The following SGTA variants were observed in gnomAD, a reference collection of about 807,000 sequenced individuals.
The protein encoded by SGTA is small glutamine-rich tetratricopeptide repeat-containing protein alpha.
SGTA carries 22 observed loss-of-function variants against 44.3 expected under a neutral mutation model. The observed-to-expected ratio is 0.50, with a 90% CI of 0.36 to 0.71. The LOEUF (loss-of-function observed/expected upper bound fraction) is 0.71. SGTA is among the 30% of genes least tolerant of loss of function. SGTA has a pLI of 0.00. For synonymous variants in SGTA, 174 were observed against 177.6 expected, an observed-to-expected ratio of 0.98 and a Z score of 0.16; for missense variants, 341 against 435.9, an observed-to-expected ratio of 0.78 and a Z score of 1.94.
At chr19:2,778,577 G>A (rs1915498779) in intron 1 of SGTA, among the ~76,000 whole-genome samples, 1 of 150,820 alleles carries the variant, frequency 6.6e-6, no homozygotes, top group East Asian at 2.0e-4. Flanking sequence ...CTGTTACCCT[G>A]GGACAGAGCT....
chr19:2,778,839 A>C (rs927731163), intron 1 of SGTA, among the ~76,000 whole-genome samples: 1 of 152,222 alleles, frequency 6.6e-6, no homozygotes, highest in African/African-American at 2.4e-5. Context: ...GAGAGGGAGC[A>C]AGGAGGTGAA....
intron 1 of SGTA, among the ~76,000 whole-genome samples, chr19:2,772,357 G>C (rs1915332366): frequency 6.6e-6 from 1 of 152,238 alleles, no homozygotes; most frequent in Admixed American, 6.5e-5. Flanking sequence ...TCCAAGAAGT[G>C]ACTAAAGCCA....
At chr19:2,759,050 A>AATGGTGGTGACAGTTGCATGACAGTGTG (rs1269587719) in intron 9 of SGTA, among the ~76,000 whole-genome samples, 1 of 151,922 alleles carries the variant, frequency 6.6e-6, no homozygotes, top group Non-Finnish European at 1.5e-5. Context: ...GTTGGTGCTC[A>AATGGTGGTGACAGTTGCATGACAGTGTG]ATGGTGGTGA....
chr19:2,767,771 A>T lies in SGTA; in HGVS notation c.101-85T>A. On this transcript the variant is annotated intron_variant, in intron 2 of 11. Transcript: ENST00000221566. The surrounding 1 kb of genome is among the most constrained non-coding windows in gnomAD (Gnocchi z 7.3). ...GGTCTAGAGGGCGGGGTTGGTGCTC[A>T]TGCTTCCCCAGGTGTGTTCATTCCC... is the stretch of plus-strand genomic sequence containing the variant. The T allele has an allele frequency of 2.0e-6, 2 of 996,258 alleles. No individual in the cohort carries two copies. The highest frequency in any genetic ancestry group is 3.2e-6 in the Non-Finnish European group (2 of 633,812). The allele number at this position is 996,258 out of a possible 1,614,324, so 61.7% of individuals were successfully genotyped here.
intron 8 of SGTA, among the ~76,000 whole-genome samples, chr19:2,760,801 C>G (rs1471756668): frequency 6.6e-6 from 1 of 152,160 alleles, no homozygotes; most frequent in Non-Finnish European, 1.5e-5. Flanking sequence ...GCTCATTTTT[C>G]TGACTGACAG....
Position 2,759,303 on chromosome 19 carries a change from CAG to C in SGTA, c.700-11_700-10del, listed in dbSNP as rs762759856. On this transcript the variant is annotated splice_polypyrimidine_tract_variant and intron_variant, in intron 8 of 11. Coordinates refer to ENST00000221566, the MANE Select transcript of SGTA (RefSeq NM_003021.4). ...TTCATTAGGTTCGAAGCCTGAAGAA[CAG>C]AACAAATTTGTCAGGAAGACAAAGC... The C allele has an allele frequency of 1.4e-5, 22 of 1,613,504 alleles. No individual in the cohort carries two copies. The Admixed American group carries it at 3.5e-4, about 26-fold the overall frequency.
chr19:2,764,431 T>C (rs1424009798), intron 5 of SGTA, among the ~76,000 whole-genome samples: 1 of 152,246 alleles, frequency 6.6e-6, no homozygotes, highest in Admixed American at 6.5e-5. Flanking sequence ...AGGGTTTTGC[T>C]CTGCTGCCCA....
At chr19:2,773,361 A>G (rs373765191) in intron 1 of SGTA, among the ~76,000 whole-genome samples, 12 of 6,448 alleles carry the variant, frequency 1.9e-3, no homozygotes, top group African/African-American at 8.6e-3. Context: ...GCCACACGGC[A>G]GGGACACCGA....
intron 1 of SGTA, among the ~76,000 whole-genome samples, chr19:2,774,564 C>G (rs780252526): frequency 6.6e-6 from 1 of 152,164 alleles, no homozygotes; most frequent in Non-Finnish European, 1.5e-5. Context: ...ACACAGAGGC[C>G]TTCACCTACA....
intron 1 of SGTA, among the ~76,000 whole-genome samples, chr19:2,772,264 G>A (rs988148288): frequency 2.0e-5 from 3 of 152,250 alleles, no homozygotes; most frequent in African/African-American, 7.2e-5. Context: ...ACGAGGAAGG[G>A]CGAGGCCTGA....
Position 2,757,878 on chromosome 19 carries a change from C to G in SGTA, c.738-96G>C, listed in dbSNP as rs947942025. The G allele has an allele frequency of 1.8e-5, 14 of 776,982 alleles. 1 individual carries two copies. The highest frequency in any genetic ancestry group is 3.6e-4 in the Middle Eastern group (1 of 2,784). The allele number at this position is 776,982 out of a possible 1,614,324, so 48.1% of individuals were successfully genotyped here. ...GGCCCGGGAGAGAATCCCTCTCAGCCCTTCACCTTCCCCTGCAGGAGAGGA... is the reference window on the plus strand; with the variant it reads ...GGCCCGGGAGAGAATCCCTCTCAGCGCTTCACCTTCCCCTGCAGGAGAGGA... On this transcript the variant is annotated intron_variant, in intron 9 of 11. Transcript: ENST00000221566.
chr19:2,770,573 C>A, intron 1 of SGTA: 1 of 153,436 alleles, frequency 6.5e-6, no homozygotes, highest in South Asian at 1.8e-4. Flanking sequence ...GCAGCCGCCC[C>A]CGCCCCCGCC....
chr19:2,779,297 A>AG (rs1476775016), intron 1 of SGTA, among the ~76,000 whole-genome samples: 5 of 152,160 alleles, frequency 3.3e-5, no homozygotes, highest in African/African-American at 1.2e-4. Flanking sequence ...AGGGAAGCAC[A>AG]GGCCCTGCCC....
intron 9 of SGTA, 152 bp downstream of exon 9, chr19:2,759,105 T>G: frequency 3.0e-6 from 2 of 658,454 alleles, no homozygotes; most frequent in Non-Finnish European, 5.2e-6. Context: ...CATGACAGTG[T>G]GATAGTGGTG....
chr19:2,764,518 C>T (rs762626111), intron 5 of SGTA, among the ~76,000 whole-genome samples: 1 of 152,254 alleles, frequency 6.6e-6, no homozygotes. Context: ...CTGCCTCAGC[C>T]TCCCAGGTAG....
chr19:2,755,319 C>T lies in SGTA; in HGVS notation c.*621G>A. The T allele has an allele frequency of 1.3e-6, 1 of 759,498 alleles. No individual in the cohort carries two copies. Among genetic ancestry groups the T allele is most frequent in the Non-Finnish European group, 1.6e-6 (1 of 621,688 alleles). The allele number at this position is 759,498 out of a possible 1,614,324, so 47.0% of individuals were successfully genotyped here. A position where few individuals can be genotyped will look rare whatever the true frequency, so the allele number is the denominator to read the frequency against. ...AAAAGTCACAGAAACTGGTCCTATG[C>T]ACCCAGGACGGCTCCTGAGCCGCGG... On this transcript the variant is annotated 3_prime_UTR_variant, in exon 12 of 12. Transcript: ENST00000221566. This position sits in a 1 kb window ranked among gnomAD's most constrained non-coding sequence, Gnocchi z 5.2.
rs778521534 is a variant in SGTA at position 2,761,668 on chromosome 19, C to T, written c.637-146G>A. On this transcript the variant is annotated intron_variant, in intron 7 of 11. Coordinates refer to ENST00000221566, the MANE Select transcript of SGTA (RefSeq NM_003021.4). This position sits in a 1 kb window ranked among gnomAD's most constrained non-coding sequence, Gnocchi z 5.7. The stretch of plus-strand genomic sequence containing the variant: ...AGAGGGTGCTTTGAGGCAGGCAGCA[C>T]GAAGCACATCGCAACCGCCCGGGGA... The T allele has an allele frequency of 2.3e-5, 16 of 684,182 alleles. No individual in the cohort carries two copies. The highest frequency in any genetic ancestry group is 8.9e-5 in the African/African-American group (5 of 56,204). 42.4% of individuals were successfully genotyped at this position (684,182 alleles called of 1,614,324 possible).
At chr19:2,776,560 G>A (rs1474679385) in intron 1 of SGTA, among the ~76,000 whole-genome samples, 1 of 152,192 alleles carries the variant, frequency 6.6e-6, no homozygotes, top group Non-Finnish European at 1.5e-5. Context: ...TGTTTCATGG[G>A]GACAGAATTT....
At chr19:2,756,672 A>G (rs954687618) in intron 11 of SGTA, among the ~76,000 whole-genome samples, 1 of 151,860 alleles carries the variant, frequency 6.6e-6, no homozygotes, top group Admixed American at 6.6e-5. Context: ...GGAGACAGAC[A>G]GGACTGAACT....
Sources: gnomAD v4.1 joint callset for allele counts (sites outside exome capture counted in the v4.1 genomes callset) on GRCh38, gnomAD v4.1.1 for gene constraint, Gnocchi (gnomAD v3.1) non-coding constraint, MANE v1.5 for transcripts, NCBI Gene and HGNC (gene_info 2026-07-23, HGNC 2026-07-21) for gene names.